The following ALK variants were observed in gnomAD, a reference collection of about 807,000 sequenced individuals.
The protein encoded by ALK is ALK tyrosine kinase receptor.
In ALK, 74 loss-of-function variants were observed where a neutral mutation model predicts 163.1. The ratio of observed to expected loss-of-function variants is 0.45; its 90% CI spans 0.38 to 0.55. ALK has a LOEUF of 0.55. ALK is among the 20% of genes least tolerant of loss of function. The pLI is 0.00. For missense variants in ALK, 2,063 were observed against 2,105.3 expected (o/e 0.98, Z 0.39); for synonymous variants, 960 against 843.2 (o/e 1.14, Z -2.40).
At chr2:29,386,086 A>G (rs1669025326) in intron 4 of ALK, among the ~76,000 whole-genome samples, 1 of 152,210 alleles carries the variant, frequency 6.6e-6, no homozygotes, top group Non-Finnish European at 1.5e-5. Context: ...ACCATCCACC[A>G]TCTCTTTCAG....
At chr2:29,488,280 G>A (rs1490464429) in intron 4 of ALK, among the ~76,000 whole-genome samples, 1 of 152,142 alleles carries the variant, frequency 6.6e-6, no homozygotes, top group Non-Finnish European at 1.5e-5. Context: ...CTGTCACCAT[G>A]TTCCACCAGG....
intron 13 of ALK, among the ~76,000 whole-genome samples, chr2:29,235,926 T>C (rs1664365448): frequency 7.0e-6 from 1 of 142,302 alleles, no homozygotes; most frequent in Non-Finnish European, 1.5e-5. Context: ...CAGACTGGTC[T>C]CTGACTCCTG....
chr2:29,346,902 C>T (rs1046094218), intron 5 of ALK, among the ~76,000 whole-genome samples: 2 of 152,194 alleles, frequency 1.3e-5, no homozygotes, highest in African/African-American at 4.8e-5. Flanking sequence ...CTGCAGCACG[C>T]TTCCTGGGTC....
chr2:29,704,053 G>A (rs1242701101), intron 2 of ALK, among the ~76,000 whole-genome samples: 1 of 152,076 alleles, frequency 6.6e-6, no homozygotes, highest in Non-Finnish European at 1.5e-5. Flanking sequence ...TTTTCTTAAT[G>A]GCATAGGAAA....
At chr2:29,350,981 C>G (rs957275255) in intron 5 of ALK, among the ~76,000 whole-genome samples, 8 of 152,162 alleles carry the variant, frequency 5.3e-5, no homozygotes, top group Admixed American at 2.6e-4. Context: ...TTTGGGAAGG[C>G]TGCATATTCT....
intron 1 of ALK, among the ~76,000 whole-genome samples, chr2:29,868,012 G>C (rs1666482553): frequency 1.3e-5 from 2 of 152,212 alleles, no homozygotes; most frequent in South Asian, 4.1e-4. Flanking sequence ...CAAGGTGGCA[G>C]GAACAGGTGT....
chr2:29,492,894 G>A (rs962487288), intron 4 of ALK, among the ~76,000 whole-genome samples: 1 of 152,178 alleles, frequency 6.6e-6, no homozygotes, highest in Admixed American at 6.5e-5. Flanking sequence ...CAGATGGTAT[G>A]GGAGTATTTA....
intron 5 of ALK, among the ~76,000 whole-genome samples, chr2:29,333,478 G>C (rs935352965): frequency 6.6e-6 from 1 of 152,058 alleles, no homozygotes; most frequent in Non-Finnish European, 1.5e-5. Context: ...AATTGCCAAC[G>C]TATCGATTAG....
At chr2:29,342,098 A>G (rs980477748) in intron 5 of ALK, among the ~76,000 whole-genome samples, 5 of 152,232 alleles carry the variant, frequency 3.3e-5, no homozygotes, top group African/African-American at 1.2e-4. Flanking sequence ...TGACCGAAAT[A>G]TACAAGAAGA....
At chr2:29,901,593 T>A (rs149065906) in intron 1 of ALK, among the ~76,000 whole-genome samples, 5 of 152,338 alleles carry the variant, frequency 3.3e-5, no homozygotes, top group African/African-American at 1.2e-4. Context: ...GCCAAGCCGC[T>A]CATCTCTCAT....
At chr2:29,768,249 A>C (rs1680918491) in intron 1 of ALK, among the ~76,000 whole-genome samples, 1 of 152,194 alleles carries the variant, frequency 6.6e-6, no homozygotes, top group Non-Finnish European at 1.5e-5. Flanking sequence ...AGCCCAATCC[A>C]CATCTTCTAT....
intron 4 of ALK, among the ~76,000 whole-genome samples, chr2:29,411,125 C>G (rs1669714959): frequency 6.6e-6 from 1 of 152,034 alleles, no homozygotes; most frequent in South Asian, 2.1e-4. Flanking sequence ...TTGTTAAAAA[C>G]TAAGACACGA....
At chr2:29,686,909 C>T (rs1271602714) in intron 3 of ALK, among the ~76,000 whole-genome samples, 2 of 152,142 alleles carry the variant, frequency 1.3e-5, no homozygotes, top group Admixed American at 6.5e-5. Flanking sequence ...TCACACATCA[C>T]AACTTGTTGA....
rs1001194260 is a variant in ALK at position 29,246,734 on chromosome 2, G to A, written c.2204+4371C>T. Among the ~76,000 whole-genome samples the A allele has an allele frequency of 2.0e-5, 3 of 152,124 alleles. No individual in the cohort carries two copies. Among genetic ancestry groups the A allele is most frequent in the East Asian group, 1.9e-4 (1 of 5,188 alleles). On this transcript the variant is annotated intron_variant, in intron 12 of 28. Coordinates refer to ENST00000389048, the MANE Select transcript of ALK (RefSeq NM_004304.5). The surrounding 1 kb of genome is among the most constrained non-coding windows in gnomAD (Gnocchi z 4.3). The stretch of plus-strand genomic sequence containing the variant: ...CTGAGCACCTCTGGGCCTGTCCCCT[G>A]CACCTGACCCTCCCCTGCCATCTTT...
chr2:29,445,288 G>A (rs996302991), intron 4 of ALK, among the ~76,000 whole-genome samples: 1 of 152,152 alleles, frequency 6.6e-6, no homozygotes, highest in East Asian at 1.9e-4. Context: ...GGAGATGCAC[G>A]GAGAAGAAAA....
rs148357963 is a variant in ALK, at chr2:29,433,893, C to T, written c.1155-50034G>A. ...AAATAAATGAACAAAAGAAATATCA[C>T]ATCCATCCTGTCTGCAATTAAGACT... On this transcript the variant is annotated intron_variant, in intron 4 of 28. Coordinates refer to ENST00000389048, the MANE Select transcript of ALK (RefSeq NM_004304.5). 3.0e-3 allele frequency among the ~76,000 whole-genome samples: 464 copies of T among 152,276 alleles called. 1 individual carries two copies. Among genetic ancestry groups the T allele is most frequent in the Admixed American group, 4.9e-3 (75 of 15,294 alleles).
chr2:29,354,832 C>T (rs6547921), intron 5 of ALK, among the ~76,000 whole-genome samples: 136,836 of 150,634 alleles, frequency 0.91, 62,186 homozygotes, highest in East Asian at 1. Context: ...AGTGGCACGA[C>T]CTTGGCTCAC....
chr2:29,704,568 A>G (rs13424406), intron 2 of ALK, among the ~76,000 whole-genome samples: 9,168 of 152,256 alleles, frequency 0.06, 915 homozygotes, highest in African/African-American at 0.21. Context: ...TTTTTTCTTG[A>G]ATAAATTGGC....
intron 28 of ALK, among the ~76,000 whole-genome samples, chr2:29,195,768 C>T (rs1270605867): frequency 6.6e-6 from 1 of 152,150 alleles, no homozygotes; most frequent in Non-Finnish European, 1.5e-5. Context: ...TTTATTGACT[C>T]TTCTAAAATA....
Sources: gnomAD v4.1 joint callset for allele counts (sites outside exome capture counted in the v4.1 genomes callset) on GRCh38, gnomAD v4.1.1 for gene constraint, Gnocchi (gnomAD v3.1) non-coding constraint, MANE v1.5 for transcripts, NCBI Gene and HGNC (gene_info 2026-07-23, HGNC 2026-07-21) for gene names.